The following CTIF variants were observed in gnomAD, a reference collection of about 807,000 sequenced individuals.
CTIF encodes the protein cap binding complex dependent translation initiation factor.
In CTIF, 21 loss-of-function variants were observed where a neutral mutation model predicts 66.0. The observed-to-expected ratio is 0.32, with a 90% CI of 0.23 to 0.46. The LOEUF is 0.46. Among genes scored for constraint, CTIF ranks in the 20% least tolerant of loss-of-function variants. The pLI is 1.00. For missense variants in CTIF, 739 were observed against 812.7 expected, an observed-to-expected ratio of 0.91 and a Z score of 1.10; for synonymous variants, 345 against 326.4, an observed-to-expected ratio of 1.06 and a Z score of -0.62.
At position 48,727,070 on chromosome 18, in the gene CTIF, GCACACACACACACA is replaced by G. The variant is rs35188197; in HGVS notation, c.584+15397_584+15410del. Among the ~76,000 whole-genome samples, 1,015 of 144,590 alleles carry G rather than the reference GCACACACACACACA, an allele frequency of 7.0e-3. 11 individuals are homozygous for G. Among genetic ancestry groups the G allele is most frequent in the African/African-American group, 0.025 (958 of 39,030 alleles). The allele number at this position is 144,590 out of a possible 152,430, so 94.9% of individuals were successfully genotyped here. ...TGAGATTTAAGGAGGCAAGTTAGCT[GCACACACACACACA>G]CACACACACACACACACACACGTAG... On this transcript the variant is annotated intron_variant, in intron 7 of 11. Coordinates refer to ENST00000256413, the MANE Select transcript of CTIF (RefSeq NM_014772.3).
chr18:48,575,211 T>G (rs1353607782), intron 1 of CTIF, among the ~76,000 whole-genome samples: 1 of 152,198 alleles, frequency 6.6e-6, no homozygotes, highest in African/African-American at 2.4e-5. Context: ...TGTTTAAAAT[T>G]TACCAGGGAC....
intron 9 of CTIF, among the ~76,000 whole-genome samples, chr18:48,804,841 T>A (rs1293111529): frequency 6.6e-6 from 1 of 152,008 alleles, no homozygotes; most frequent in African/African-American, 2.4e-5. Flanking sequence ...CCACCCAGCC[T>A]CAGTGCCCAC....
intron 1 of CTIF, among the ~76,000 whole-genome samples, chr18:48,582,133 G>A (rs2089671260): frequency 6.6e-6 from 1 of 152,056 alleles, no homozygotes; most frequent in Non-Finnish European, 1.5e-5. Flanking sequence ...TACCCTGAGA[G>A]TGTGGTGCTG....
Position 48,676,980 on chromosome 18 carries a change from A to G in CTIF, c.507+6236A>G, listed in dbSNP as rs542598619. 4.6e-5 allele frequency among the ~76,000 whole-genome samples: 7 copies of G among 152,130 alleles called. 1 individual carries two copies. In the South Asian group the frequency reaches 1.5e-3, roughly 32 times the overall value. ...CCAGCAGGTGGCGCTGCTGCTATTTAGTAATGGGGGTCCTGGGCGGGAGGC... is the reference window on the plus strand; with the variant it reads ...CCAGCAGGTGGCGCTGCTGCTATTTGGTAATGGGGGTCCTGGGCGGGAGGC... On this transcript the variant is annotated intron_variant, in intron 6 of 11. Coordinates refer to ENST00000256413, the MANE Select transcript of CTIF (RefSeq NM_014772.3).
At chr18:48,831,836 C>T (rs933448721) in intron 10 of CTIF, among the ~76,000 whole-genome samples, 2 of 152,160 alleles carry the variant, frequency 1.3e-5, no homozygotes, top group Non-Finnish European at 2.9e-5. Flanking sequence ...TCTTTTGGTA[C>T]GAAGTCTTTG....
chr18:48,547,189 T>C (rs1203928480), intron 1 of CTIF, among the ~76,000 whole-genome samples: 1 of 152,162 alleles, frequency 6.6e-6, no homozygotes, highest in African/African-American at 2.4e-5. Context: ...CGGGGAGGCA[T>C]GTGCAGGATG....
chr18:48,683,667 G>T (rs2091786004), intron 6 of CTIF, among the ~76,000 whole-genome samples: 2 of 152,142 alleles, frequency 1.3e-5, no homozygotes, highest in Admixed American at 1.3e-4. Flanking sequence ...TAGCGGTCTA[G>T]GCCCTGCTCT....
intron 10 of CTIF, among the ~76,000 whole-genome samples, chr18:48,838,451 G>C (rs2068862472): frequency 6.6e-6 from 1 of 152,186 alleles, no homozygotes; most frequent in Non-Finnish European, 1.5e-5. Context: ...TGCACAGGCA[G>C]ATACTGGAGA....
intron 9 of CTIF, among the ~76,000 whole-genome samples, chr18:48,763,078 G>A (rs1024921569): frequency 6.6e-5 from 10 of 152,244 alleles, no homozygotes; most frequent in African/African-American, 2.4e-4. Context: ...GGGCCGGAAT[G>A]TCCTGGGAGC....
chr18:48,829,132 G>T (rs1056943828), intron 10 of CTIF, among the ~76,000 whole-genome samples: 1 of 152,194 alleles, frequency 6.6e-6, no homozygotes, highest in African/African-American at 2.4e-5. Context: ...GACTGGGGAG[G>T]ATAGAATCGT....
intron 1 of CTIF, among the ~76,000 whole-genome samples, chr18:48,540,975 C>T (rs557531146): frequency 6.6e-6 from 1 of 152,246 alleles, no homozygotes; most frequent in Admixed American, 6.5e-5. Context: ...TCACACAGCC[C>T]CTCCCTCCGC....
At chr18:48,645,486 C>G (rs2091013865) in intron 3 of CTIF, among the ~76,000 whole-genome samples, 1 of 152,170 alleles carries the variant, frequency 6.6e-6, no homozygotes, top group Non-Finnish European at 1.5e-5. Context: ...AGTGGGAGCT[C>G]AGATCCCACC....
intron 6 of CTIF, among the ~76,000 whole-genome samples, chr18:48,685,475 G>A (rs1421713053): frequency 6.6e-6 from 1 of 151,948 alleles, no homozygotes; most frequent in Non-Finnish European, 1.5e-5. Flanking sequence ...CGCCTGCCTC[G>A]ACCTCCCAAA....
chr18:48,612,521 G>A (rs560917788), intron 1 of CTIF, among the ~76,000 whole-genome samples: 1 of 152,368 alleles, frequency 6.6e-6, no homozygotes, highest in East Asian at 1.9e-4. Flanking sequence ...ATAGTCACCA[G>A]GAGCTGCTTG....
rs1568193476 is a variant in CTIF, at chr18:48,758,248, CG to C, written c.916del (p.Val306TrpfsTer49). On this transcript the variant is annotated frameshift_variant, in exon 8 of 12. Coordinates refer to ENST00000256413, the MANE Select transcript of CTIF (RefSeq NM_014772.3). LOFTEE classifies it high-confidence loss of function. ...CCCCGCAGCCCTGACACCCTGGCCC[CG>C]GTGGCTTCTGAGCGGCTGCCCCCAC... ...EAPRSPDTLA[P>X]VASERLPPQQ... 6.2e-7 allele frequency: 1 copy of C among 1,613,396 alleles called. No individual in the cohort carries two copies. Among genetic ancestry groups the C allele is most frequent in the Non-Finnish European group, 8.5e-7 (1 of 1,179,762 alleles).
intron 7 of CTIF, among the ~76,000 whole-genome samples, chr18:48,723,204 C>T (rs563916169): frequency 6.6e-6 from 1 of 152,148 alleles, no homozygotes; most frequent in Non-Finnish European, 1.5e-5. Flanking sequence ...CTGGCTGCCT[C>T]CTACATACTC....
At chr18:48,785,336 T>C (rs934950958) in intron 9 of CTIF, among the ~76,000 whole-genome samples, 1 of 152,222 alleles carries the variant, frequency 6.6e-6, no homozygotes, top group Non-Finnish European at 1.5e-5. Flanking sequence ...TTTGCAGAAA[T>C]GAAACCTGAC....
At chr18:48,697,166 G>A (rs73958930) in intron 6 of CTIF, among the ~76,000 whole-genome samples, 2,233 of 152,328 alleles carry the variant, frequency 0.015, 53 homozygotes, top group African/African-American at 0.051. Flanking sequence ...GGCCTGTCAG[G>A]ACAGTGGTCA....
intron 5 of CTIF, among the ~76,000 whole-genome samples, chr18:48,665,066 C>T (rs1368878544): frequency 6.6e-6 from 1 of 151,774 alleles, no homozygotes; most frequent in Non-Finnish European, 1.5e-5. Context: ...AGGCGCCCGC[C>T]ACCGCGCCCG....
Sources: allele counts gnomAD v4.1 joint callset (sites outside exome capture counted in the v4.1 genomes callset), GRCh38; gene constraint gnomAD v4.1.1; transcripts MANE v1.5; gene names NCBI Gene and HGNC (gene_info 2026-07-23, HGNC 2026-07-21).